Variants in ENOX2 observed in about 807,000 individuals in gnomAD.
The protein encoded by ENOX2 is ecto-NOX disulfide-thiol exchanger 2, also known as APK1 antigen.
Under a neutral mutation model 45.0 loss-of-function variants are expected in ENOX2, and 36 were observed. That is an observed-to-expected ratio of 0.80 (90% CI 0.61 to 1.06). The LOEUF (loss-of-function observed/expected upper bound fraction) is 1.06. Ranked by LOEUF, ENOX2 falls within the 50% of genes least tolerant of loss-of-function variation. The probability of loss-of-function intolerance (pLI) is 0.00; values close to 1 mark genes in which losing one functional copy is unlikely to be tolerated. For synonymous variants in ENOX2, 174 were observed against 152.3 expected (o/e 1.14, Z -1.05); for missense variants, 423 against 462.5 (o/e 0.91, Z 0.78).
chrX:130,856,219 T>C (rs1332981153), intron 2 of ENOX2, among the ~76,000 whole-genome samples: 2 of 112,634 alleles, frequency 1.8e-5, no homozygotes, highest in Non-Finnish European at 3.8e-5. Context: ...AGCACCATTT[T>C]TGATCAAGAA....
At chrX:130,762,614 A>T (rs1293369754) in intron 3 of ENOX2, among the ~76,000 whole-genome samples, 1 of 111,739 alleles carries the variant, frequency 8.9e-6, no homozygotes, top group African/African-American at 3.3e-5. Context: ...GCTTTGACCC[A>T]TGGTTTATCT....
intron 3 of ENOX2, among the ~76,000 whole-genome samples, chrX:130,744,324 G>C (rs757192912): frequency 9.0e-6 from 1 of 111,650 alleles, no homozygotes; most frequent in African/African-American, 3.3e-5. Flanking sequence ...TAAATATTAC[G>C]AGCTGATGGT....
chrX:130,744,181 A>G (rs994221880), intron 3 of ENOX2, among the ~76,000 whole-genome samples: 5 of 112,208 alleles, frequency 4.5e-5, no homozygotes, highest in Non-Finnish European at 9.4e-5. Context: ...AGCTGTCAGG[A>G]ATGTGTCATA....
intron 2 of ENOX2, among the ~76,000 whole-genome samples, chrX:130,809,198 T>C (rs1422905432): frequency 8.9e-6 from 1 of 112,578 alleles, no homozygotes; most frequent in Non-Finnish European, 1.9e-5. Flanking sequence ...TTACAATTTG[T>C]TTCATCTTTG....
At chrX:130,888,580 A>G (rs1160980201) in intron 2 of ENOX2, among the ~76,000 whole-genome samples, 1 of 112,174 alleles carries the variant, frequency 8.9e-6, no homozygotes, top group Non-Finnish European at 1.9e-5. Context: ...ACCCTTTTGT[A>G]AATTGTAAAG....
At chrX:130,816,926 A>AAGG (rs1461016492) in intron 2 of ENOX2, among the ~76,000 whole-genome samples, 3 of 112,063 alleles carry the variant, frequency 2.7e-5, no homozygotes, top group Non-Finnish European at 5.6e-5. Context: ...AGCAGAACTG[A>AAGG]AGGAGATAGA....
At chrX:130,664,267 T>C (rs1433301117) in intron 9 of ENOX2, among the ~76,000 whole-genome samples, 2 of 112,246 alleles carry the variant, frequency 1.8e-5, no homozygotes, top group Non-Finnish European at 3.8e-5. Context: ...CAAACATATC[T>C]CATGTATTCT....
At chrX:130,867,772 A>T (rs2078513758) in intron 2 of ENOX2, among the ~76,000 whole-genome samples, 1 of 111,834 alleles carries the variant, frequency 8.9e-6, no homozygotes, top group Non-Finnish European at 1.9e-5. Flanking sequence ...CCAAATACCC[A>T]GTGACACAGA....
intron 2 of ENOX2, among the ~76,000 whole-genome samples, chrX:130,785,793 C>A (rs2076961091): frequency 8.9e-6 from 1 of 112,131 alleles, no homozygotes; most frequent in Admixed American, 9.4e-5. Context: ...ATATACTGAT[C>A]AAAACAAGTT....
intron 2 of ENOX2, among the ~76,000 whole-genome samples, chrX:130,875,075 CTACT>C (rs1415921013): frequency 9.0e-6 from 1 of 111,578 alleles, no homozygotes; most frequent in East Asian, 2.8e-4. Flanking sequence ...GAGATTCTGG[CTACT>C]TTTTAAAAAG....
At chrX:130,840,636 G>A (rs1318600526) in intron 2 of ENOX2, among the ~76,000 whole-genome samples, 1 of 111,150 alleles carries the variant, frequency 9.0e-6, no homozygotes, top group Admixed American at 9.6e-5. Context: ...AGAGGGCAAG[G>A]CATGTGGATT....
At chrX:130,821,832 G>A (rs1462534260) in intron 2 of ENOX2, among the ~76,000 whole-genome samples, 2 of 101,584 alleles carry the variant, frequency 2.0e-5, no homozygotes, top group African/African-American at 3.6e-5. Context: ...TTGGGAGGCC[G>A]AGGCAGGTGG....
intron 3 of ENOX2, among the ~76,000 whole-genome samples, chrX:130,715,968 G>A (rs975451094): frequency 9.0e-6 from 1 of 111,609 alleles, no homozygotes; most frequent in African/African-American, 3.3e-5. Context: ...ACAATGGTGG[G>A]CATTACCTCT....
At chrX:130,662,288 C>T (rs2036713249) in intron 9 of ENOX2, among the ~76,000 whole-genome samples, 3 of 112,119 alleles carry the variant, frequency 2.7e-5, no homozygotes, top group Non-Finnish European at 5.6e-5. Flanking sequence ...TCTAAGCTCC[C>T]CAAAGGCGGA....
chrX:130,647,168 A>AT (rs1319318920), intron 10 of ENOX2, among the ~76,000 whole-genome samples: 3 of 112,165 alleles, frequency 2.7e-5, no homozygotes, highest in African/African-American at 9.7e-5. Flanking sequence ...GCCACTTAAA[A>AT]TTAACTGTGG....
Position 130,764,473 on chromosome X carries a change from C to G in ENOX2, c.-39+19074G>C, listed in dbSNP as rs192511849. On this transcript the variant is annotated intron_variant, in intron 3 of 14. Transcript: ENST00000394363. ...TTTTTTCTCCATTGAGACAGTAAAACTTGTTTCCTAAAAAGGTATAGTACA... is the reference window on the plus strand; with the variant it reads ...TTTTTTCTCCATTGAGACAGTAAAAGTTGTTTCCTAAAAAGGTATAGTACA... Among the ~76,000 whole-genome samples the G allele has an allele frequency of 8.3e-4, 90 of 109,008 alleles. 2 individuals are homozygous for G. Among genetic ancestry groups the G allele is most frequent in the African/African-American group, 2.9e-3 (87 of 29,676 alleles). 94.7% of individuals were successfully genotyped at this position (109,008 alleles called of 115,157 possible).
In ENOX2 at chrX:130,871,141, G is replaced by GTGAC. The variant is rs2078578969; in HGVS notation, c.-183+30539_-183+30542dup. 2.7e-5 allele frequency among the ~76,000 whole-genome samples: 3 copies of GTGAC among 111,594 alleles called. No individual in the cohort carries two copies. In the Admixed American group the frequency reaches 2.8e-4, roughly 11 times the overall value. On this transcript the variant is annotated intron_variant, in intron 2 of 14. Transcript: ENST00000394363. ...AAAGAATACTGCCAATTTAGTCCAAGTGACTAAAGCCATTACTGTATAACA... is the reference window on the plus strand; with the variant it reads ...AAAGAATACTGCCAATTTAGTCCAAGTGACTGACTAAAGCCATTACTGTATAACA...
At chrX:130,631,668 C>G in intron 12 of ENOX2, 92 bp from the exon 13 acceptor site, 1 of 481,749 alleles carries the variant, frequency 2.1e-6, no homozygotes. Flanking sequence ...TAACACAGGA[C>G]CATAAAAACA....
intron 3 of ENOX2, among the ~76,000 whole-genome samples, chrX:130,719,318 G>A (rs1197746173): frequency 1.8e-5 from 2 of 111,037 alleles, no homozygotes; most frequent in Admixed American, 9.6e-5. Flanking sequence ...AACAGAGGGG[G>A]AAATATTGAT....
Sources: allele counts gnomAD v4.1 joint callset (sites outside exome capture counted in the v4.1 genomes callset), GRCh38; gene constraint gnomAD v4.1.1; transcripts MANE v1.5; gene names NCBI Gene and HGNC (gene_info 2026-07-23, HGNC 2026-07-21).